TANK: variants seen among roughly 807,000 people sequenced by gnomAD.
TANK encodes TRAF family member-associated NF-kappa-B activator.
In TANK, 15 loss-of-function variants were observed where a neutral mutation model predicts 43.6. The ratio of observed to expected loss-of-function variants is 0.34; its 90% CI spans 0.23 to 0.53. The LOEUF is 0.53. Among genes scored for constraint, TANK ranks in the 20% least tolerant of loss-of-function variants. The pLI is 0.94. For synonymous variants in TANK, 162 were observed against 178.2 expected, an observed-to-expected ratio of 0.91 and a Z score of 0.73; for missense variants, 417 against 498.6, an observed-to-expected ratio of 0.84 and a Z score of 1.56.
chr2:161,180,356 A>G (rs1408593915), intron 2 of TANK, among the ~76,000 whole-genome samples: 1 of 152,176 alleles, frequency 6.6e-6, no homozygotes, highest in African/African-American at 2.4e-5. Flanking sequence ...GAGGAAAGGC[A>G]TATCCAGGCA....
At chr2:161,155,196 A>G (rs1186167629) in intron 1 of TANK, among the ~76,000 whole-genome samples, 1 of 152,128 alleles carries the variant, frequency 6.6e-6, no homozygotes, top group Non-Finnish European at 1.5e-5. Context: ...AGCAGAACAC[A>G]TTTACTTCCT....
intron 1 of TANK, chr2:161,139,751 T>G: frequency 1.0e-6 from 1 of 985,332 alleles, no homozygotes; most frequent in Non-Finnish European, 1.2e-6. Context: ...AGAAAAAGAA[T>G]GAAAACAATG....
intron 4 of TANK, chr2:161,207,544 T>C: frequency 1.0e-6 from 1 of 984,196 alleles, no homozygotes; most frequent in Non-Finnish European, 1.2e-6. Flanking sequence ...AGAGAAAATA[T>C]ATTGTAAAAG....
rs1201820967 is a variant in TANK, at chr2:161,204,941, A to T, written c.327+148A>T. 5 of 1,428,816 alleles carry T rather than the reference A, an allele frequency of 3.5e-6. No individual in the cohort carries two copies. The African/African-American group carries it at 7.6e-5, about 22-fold the overall frequency. 88.5% of individuals were successfully genotyped at this position (1,428,816 alleles called of 1,614,324 possible). On this transcript the variant is annotated intron_variant, in intron 4 of 7. Transcript: ENST00000392749. ...GGCTTAAATATTTCTAAATAGAAGA[A>T]CTATTTTCAAGTAAAATAAAGGCTG...
chr2:161,197,195 A>G (rs1686191728), intron 2 of TANK: 1 of 152,208 alleles, frequency 6.6e-6, no homozygotes, highest in Non-Finnish European at 1.5e-5. Context: ...GGTAGTCGTC[A>G]TTTTGTTATT....
intron 3 of TANK, 55 bp downstream of exon 3, chr2:161,203,650 G>C: frequency 1.7e-6 from 2 of 1,161,552 alleles, no homozygotes; most frequent in African/African-American, 1.6e-5. Context: ...GAAAAGAAAG[G>C]TGTAAGTTGA....
intron 2 of TANK, chr2:161,200,242 A>T: frequency 2.3e-6 from 1 of 429,500 alleles, no homozygotes; most frequent in Non-Finnish European, 3.1e-6. Context: ...TGTGGTTGTT[A>T]GTGAGTTTTC....
At position 161,196,974 on chromosome 2, in the gene TANK, G is replaced by A. The variant is rs370330765; in HGVS notation, c.100-6513G>A. On this transcript the variant is annotated intron_variant, in intron 2 of 7. Transcript: ENST00000392749. ...TCACATGATGATAATGTGTTGCTGA[G>A]TTGAAAAATTTGGTTGCGGAATAGT... is the stretch of plus-strand genomic sequence containing the variant. 5.9e-5 allele frequency among the ~76,000 whole-genome samples: 9 copies of A among 152,166 alleles called. No individual in the cohort carries two copies. The East Asian group carries it at 1.3e-3, about 23-fold the overall frequency.
chr2:161,224,711 A>G lies in TANK; in HGVS notation c.485A>G (p.His162Arg). The change falls in exon 6 of 8, where the codon CAC becomes CGC. Residue 162 changes from histidine to arginine, a missense_variant. His to Arg is a conservative substitution (Grantham distance 29). Coordinates refer to ENST00000392749, the MANE Select transcript of TANK (RefSeq NM_001199135.3). ...ATGCTAGCAAAAGCACAGAAAGACC[A>G]CTTAAGCAAACTTAATATACCAGAC... Reference protein sequence around the residue: ...ICMLAKAQKDHLSKLNIPDTA... With the variant: ...ICMLAKAQKDRLSKLNIPDTA... 2.5e-6 allele frequency: 4 copies of G among 1,579,156 alleles called. No homozygotes were observed. The highest frequency in any genetic ancestry group is 3.4e-6 in the Non-Finnish European group (4 of 1,161,836).
chr2:161,232,834 A>G, intron 7 of TANK: 1 of 1,550,534 alleles, frequency 6.4e-7, no homozygotes, highest in South Asian at 1.2e-5. Flanking sequence ...CTTGATGGAA[A>G]AGTATTCAGC....
intron 1 of TANK, among the ~76,000 whole-genome samples, chr2:161,149,633 C>T (rs1422716858): frequency 1.3e-5 from 2 of 151,920 alleles, no homozygotes; most frequent in East Asian, 1.9e-4. Context: ...TTCATAAATG[C>T]TCTTTATTAT....
intron 4 of TANK, among the ~76,000 whole-genome samples, chr2:161,209,454 T>C (rs1002124363): frequency 1.3e-5 from 2 of 152,318 alleles, no homozygotes; most frequent in East Asian, 1.9e-4. Context: ...AATACAAAAC[T>C]ATAAATTGTC....
In TANK at chr2:161,201,099, G is replaced by A. The variant is rs548941023; in HGVS notation, c.100-2388G>A. The A allele has an allele frequency of 5.9e-5, 58 of 985,258 alleles. 2 individuals are homozygous for A. In the South Asian group the frequency reaches 2.3e-3, roughly 39 times the overall value. The allele number at this position is 985,258 out of a possible 1,614,324, so 61.0% of individuals were successfully genotyped here. The stretch of plus-strand genomic sequence containing the variant: ...AAATACAAGTATGTGAAAAGTGTAG[G>A]AGGAAAACATGGACTCTTGCTGTTC... On this transcript the variant is annotated intron_variant, in intron 2 of 7. Transcript: ENST00000392749.
intron 1 of TANK, among the ~76,000 whole-genome samples, chr2:161,154,291 G>A (rs1461666848): frequency 6.6e-6 from 1 of 152,126 alleles, no homozygotes; most frequent in Non-Finnish European, 1.5e-5. Context: ...ACCTGAAAAG[G>A]ACAAAAGAGT....
intron 3 of TANK, 86 bp downstream of exon 3, chr2:161,203,681 C>T (rs1016571793): frequency 2.0e-5 from 15 of 767,472 alleles, no homozygotes; most frequent in East Asian, 5.4e-5. Context: ...TTTATTCCTT[C>T]GTTGTTTCTC....
intron 1 of TANK, among the ~76,000 whole-genome samples, chr2:161,150,016 A>T (rs966332247): frequency 6.6e-6 from 1 of 152,172 alleles, no homozygotes; most frequent in South Asian, 2.1e-4. Flanking sequence ...GTTAGTAAGC[A>T]TCCTTTCCAC....
chr2:161,217,744 A>G (rs1209551908), intron 4 of TANK, among the ~76,000 whole-genome samples: 2 of 151,966 alleles, frequency 1.3e-5, no homozygotes, highest in African/African-American at 2.4e-5. Context: ...CTGGCTGAGT[A>G]TGGTCAGGAT....
At chr2:161,175,533 C>T (rs1573985782) in intron 1 of TANK, among the ~76,000 whole-genome samples, 1 of 152,086 alleles carries the variant, frequency 6.6e-6, no homozygotes, top group African/African-American at 2.4e-5. Context: ...CAGCAAATAC[C>T]TTGTTCTGAT....
rs762086999 is a variant in TANK at position 161,231,205 on chromosome 2, G to T, written c.755G>T (p.Arg252Ile). The T allele has an allele frequency of 7.4e-6, 12 of 1,613,970 alleles. No individual in the cohort carries two copies. The highest frequency in any genetic ancestry group is 2.2e-5 in the East Asian group (1 of 44,886). ...DSTFLHSTPE[R>I]PGILSPATSE... ...ACTTTCTTACATAGCACTCCAGAGA[G>T]ACCCGGCATCCTTAGTCCTGCCACG... The change falls in exon 7 of 8, where the codon AGA (arginine) becomes ATA (isoleucine). Residue 252 changes from arginine to isoleucine, a missense_variant. By Grantham distance (97) the Arg-to-Ile change is moderately conservative. Coordinates refer to ENST00000392749, the MANE Select transcript of TANK (RefSeq NM_001199135.3).
Sources: allele counts gnomAD v4.1 joint callset (sites outside exome capture counted in the v4.1 genomes callset), GRCh38; gene constraint gnomAD v4.1.1; transcripts MANE v1.5; gene names NCBI Gene and HGNC (gene_info 2026-07-23, HGNC 2026-07-21).